The following LAMA5 variants were observed in gnomAD, a reference collection of about 807,000 sequenced individuals.
LAMA5 encodes the protein laminin subunit alpha-5.
In LAMA5, 260 loss-of-function variants were observed where a neutral mutation model predicts 433.4. That is an observed-to-expected ratio of 0.60 (90% CI 0.54 to 0.66). LAMA5 has a LOEUF of 0.66. Among genes scored for constraint, LAMA5 ranks in the 30% least tolerant of loss-of-function variants. The probability of loss-of-function intolerance (pLI) is 0.00; values close to 1 mark genes in which losing one functional copy is unlikely to be tolerated. For missense variants in LAMA5, 5,378 were observed against 5,258.5 expected, an observed-to-expected ratio of 1.02 and a Z score of -0.70; for synonymous variants, 2,620 against 2,226.6, an observed-to-expected ratio of 1.18 and a Z score of -4.97.
Position 62,312,647 on chromosome 20 carries a change from T to C in LAMA5, c.9212A>G (p.Asp3071Gly), listed in dbSNP as rs368284013. The C allele has an allele frequency of 5.0e-6, 8 of 1,606,856 alleles. No individual in the cohort carries two copies. The African/African-American group carries it at 9.4e-5, about 19-fold the overall frequency. The change falls in exon 67 of 80, where the codon GAC becomes GGC. Residue 3071 changes from aspartate to glycine, a missense_variant. By Grantham distance (94) the Asp-to-Gly change is moderately conservative. Transcript: ENST00000252999. The stretch of plus-strand genomic sequence containing the variant: ...CAGTGCTTACCTCGGGGGCAGCTGG[T>C]CGGGCGGCACGCCCCCCAGGTAGTA... Reference protein sequence around the residue: ...DAYYLGGVPPDQLPPSLRRLF... With the variant: ...DAYYLGGVPPGQLPPSLRRLF...
At chr20:62,323,888 C>A (rs756254864) in intron 43 of LAMA5, 32 bp from the exon 44 acceptor site, 26 of 1,575,016 alleles carry the variant, frequency 1.7e-5, no homozygotes, top group Non-Finnish European at 2.2e-5. Context: ...GTCACTAGGC[C>A]CCTGGCAGTG....
intron 41 of LAMA5, 141 bp downstream of exon 41, chr20:62,325,175 C>T (rs1275423225): frequency 3.3e-6 from 2 of 597,114 alleles, no homozygotes; most frequent in Non-Finnish European, 5.7e-6. Flanking sequence ...GGCCAGCAGC[C>T]TGTGAAAAGC....
Position 62,324,708 on chromosome 20 carries a change from A to G in LAMA5, c.5530-154T>C. On this transcript the variant is annotated intron_variant, in intron 41 of 79. Coordinates refer to ENST00000252999, the MANE Select transcript of LAMA5 (RefSeq NM_005560.6). This position sits in a 1 kb window ranked among gnomAD's most constrained non-coding sequence, Gnocchi z 4.4. ...CCGCTGGGTCAGAGGCTGGTCAGGA[A>G]CTCCTGGCCTCGGCCGGCTGGAGGT... 1.7e-6 allele frequency: 1 copy of G among 605,278 alleles called. No homozygotes were observed. The highest frequency in any genetic ancestry group is 3.0e-6 in the Non-Finnish European group (1 of 333,600). 37.5% of individuals were successfully genotyped at this position (605,278 alleles called of 1,614,324 possible). A position where few individuals can be genotyped will look rare whatever the true frequency, so the allele number is the denominator to read the frequency against.
At chr20:62,347,687 T>C (rs1983596606) in intron 6 of LAMA5, among the ~76,000 whole-genome samples, 1 of 152,076 alleles carries the variant, frequency 6.6e-6, no homozygotes, top group African/African-American at 2.4e-5. Context: ...AGGCCTGAGG[T>C]TGGAAGCACC....
chr20:62,358,925 C>T (rs929798441), intron 2 of LAMA5, among the ~76,000 whole-genome samples: 7 of 152,172 alleles, frequency 4.6e-5, no homozygotes, highest in Non-Finnish European at 1.0e-4. Flanking sequence ...GGGTCTCCAC[C>T]ATCCCCAGGG....
chr20:62,332,543 C>A lies in LAMA5; in HGVS notation c.3443+14G>T, dbSNP rs759937571. 2.5e-6 allele frequency: 4 copies of A among 1,599,852 alleles called. No homozygotes were observed. The highest frequency in any genetic ancestry group is 1.3e-5 in the African/African-American group (1 of 74,628). On this transcript the variant is annotated intron_variant, in intron 27 of 79. Coordinates refer to ENST00000252999, the MANE Select transcript of LAMA5 (RefSeq NM_005560.6). The stretch of plus-strand genomic sequence containing the variant: ...GGGCGTGCCCTTACTCCAGCCCCAC[C>A]GGCTCCCACTCACCTGTACAGGCAG...
intron 1 of LAMA5, among the ~76,000 whole-genome samples, chr20:62,366,241 T>C (rs1197333154): frequency 2.0e-5 from 3 of 152,132 alleles, no homozygotes; most frequent in Non-Finnish European, 1.5e-5. Context: ...AGGTGAGGTG[T>C]CCATGCATGG....
chr20:62,330,536 G>A lies in LAMA5; in HGVS notation c.3931C>T (p.Pro1311Ser). The change falls in exon 31 of 80, where the codon CCC becomes TCC. Residue 1311 changes from proline (P) to serine (S), a missense_variant. Transcript: ENST00000252999. Reference protein sequence around the residue: ...FLLHGYQPAHPTFPVEVLINA... With the variant: ...FLLHGYQPAHSTFPVEVLINA... ...ATGAGGACTTCCACGGGGAAGGTGG[G>A]GTGGGCTGGCTGGTAGCCGTGCAGC... is the stretch of plus-strand genomic sequence containing the variant. The A allele has an allele frequency of 6.3e-7, 1 of 1,580,792 alleles. No homozygotes were observed. The highest frequency in any genetic ancestry group is 8.6e-7 in the Non-Finnish European group (1 of 1,164,542).
chr20:62,324,609 C>T lies in LAMA5; in HGVS notation c.5530-55G>A. Reference sequence around the variant, plus strand: ...GCGATTGAGAGGACGAGGGGCCCCACCCTGCAAGCTCACAAGTCAGACCCT... The same window carrying T: ...GCGATTGAGAGGACGAGGGGCCCCATCCTGCAAGCTCACAAGTCAGACCCT... On this transcript the variant is annotated intron_variant, in intron 41 of 79. Coordinates refer to ENST00000252999, the MANE Select transcript of LAMA5 (RefSeq NM_005560.6). The surrounding 1 kb of genome is among the most constrained non-coding windows in gnomAD (Gnocchi z 4.4). The T allele has an allele frequency of 8.4e-7, 1 of 1,193,452 alleles. No homozygotes were observed. Among genetic ancestry groups the T allele is most frequent in the Admixed American group, 1.9e-5 (1 of 52,028 alleles). The allele number at this position is 1,193,452 out of a possible 1,614,324, so 73.9% of individuals were successfully genotyped here. A position where few individuals can be genotyped will look rare whatever the true frequency, so the allele number is the denominator to read the frequency against.
At chr20:62,318,814 C>T (rs779586400) in intron 52 of LAMA5, 29 bp downstream of exon 52, 4 of 1,606,858 alleles carry the variant, frequency 2.5e-6, no homozygotes, top group Non-Finnish European at 1.7e-6. Context: ...CCTCTCCCCA[C>T]CCCGCCTGCC....
chr20:62,345,894 C>A lies in LAMA5; in HGVS notation c.1418-17G>T. The A allele has an allele frequency of 8.4e-6, 13 of 1,556,324 alleles. No homozygotes were observed. Among genetic ancestry groups the A allele is most frequent in the Non-Finnish European group, 1.1e-5 (13 of 1,149,912 alleles). ...AGGGCGTCGCTGAGGGGAAGAGACA[C>A]GCATGTTGGCCAGGTCTGCTCAGAA... On this transcript the variant is annotated splice_polypyrimidine_tract_variant and intron_variant, in intron 10 of 79. Coordinates refer to ENST00000252999, the MANE Select transcript of LAMA5 (RefSeq NM_005560.6).
chr20:62,324,456 G>A lies in LAMA5; in HGVS notation c.5628C>T (p.Gly1876=), dbSNP rs1476989311. ...CHGHSDRCLP[G]SGVCVDCQHN... The stretch of plus-strand genomic sequence containing the variant: ...CCCTACTCACCACACAGACGCCAGA[G>A]CCAGGGAGGCAGCGGTCTGAGTGTC... The change falls in exon 42 of 80, where the codon GGC becomes GGT. Residue 1876 remains glycine (G), a synonymous_variant. Coordinates refer to ENST00000252999, the MANE Select transcript of LAMA5 (RefSeq NM_005560.6). This position sits in a 1 kb window ranked among gnomAD's most constrained non-coding sequence, Gnocchi z 4.4. The A allele has an allele frequency of 6.8e-6, 11 of 1,611,798 alleles. No individual in the cohort carries two copies. The highest frequency in any genetic ancestry group is 5.3e-5 in the African/African-American group (4 of 75,006).
chr20:62,330,309 G>A (rs940239683), intron 31 of LAMA5, among the ~76,000 whole-genome samples, 179 bp downstream of exon 31: 1 of 152,266 alleles, frequency 6.6e-6, no homozygotes, highest in African/African-American at 2.4e-5. Context: ...GGCTTTTCTG[G>A]GAACGGGAGC....
In LAMA5 at chr20:62,331,103, C is replaced by G. The variant is rs1245514663; in HGVS notation, c.3579G>C (p.Glu1193Asp). The change falls in exon 29 of 80, where the codon GAG becomes GAC. Residue 1193 changes from glutamate (E) to aspartate (D), a missense_variant. Coordinates refer to ENST00000252999, the MANE Select transcript of LAMA5 (RefSeq NM_005560.6). ...FLHGVTLVPI[E>D]EFSPEFVEPR... is the part of the protein sequence containing the mutation. ...GCTCCACGAACTCCGGGCTGAACTC[C>G]TCAATGGGCACCAGAGTGACCCCGT... 1.2e-6 allele frequency: 2 copies of G among 1,602,164 alleles called. No individual in the cohort carries two copies.
chr20:62,311,956 G>A lies in LAMA5; in HGVS notation c.9599C>T (p.Ala3200Val), dbSNP rs771534397. The A allele has an allele frequency of 6.2e-7, 1 of 1,612,618 alleles. No homozygotes were observed. The highest frequency in any genetic ancestry group is 1.1e-5 in the South Asian group (1 of 91,076). Residue 3200 changes from alanine (A) to valine (V), a missense_variant, in exon 70 of 80, where the codon GCC (alanine) becomes GTC (valine). Transcript: ENST00000252999. ...VKTQAGFADGAPHYVAFYSNA... is the reference protein window; with the variant it reads ...VKTQAGFADGVPHYVAFYSNA... ...GCTGTAGAAGGCGACGTAATGGGGGGCACCATCGGCGAAGCCCGCTTGAGT... is the reference window on the plus strand; with the variant it reads ...GCTGTAGAAGGCGACGTAATGGGGGACACCATCGGCGAAGCCCGCTTGAGT...
In LAMA5 at chr20:62,345,890, G is replaced by A. The variant is rs984124355; in HGVS notation, c.1418-13C>T. On this transcript the variant is annotated splice_polypyrimidine_tract_variant and intron_variant, in intron 10 of 79. Coordinates refer to ENST00000252999, the MANE Select transcript of LAMA5 (RefSeq NM_005560.6). ...GACGAGGGCGTCGCTGAGGGGAAGA[G>A]ACACGCATGTTGGCCAGGTCTGCTC... 2 of 1,555,984 alleles carry A rather than the reference G, an allele frequency of 1.3e-6. No individual in the cohort carries two copies. The highest frequency in any genetic ancestry group is 1.2e-5 in the South Asian group (1 of 84,634).
Position 62,309,183 on chromosome 20 carries a change from C to G in LAMA5, c.*153G>C. 3.9e-6 allele frequency: 3 copies of G among 772,420 alleles called. No homozygotes were observed. Among genetic ancestry groups the G allele is most frequent in the Non-Finnish European group, 5.8e-6 (3 of 514,850 alleles). The allele number at this position is 772,420 out of a possible 1,614,324, so 47.8% of individuals were successfully genotyped here. A position where few individuals can be genotyped will look rare whatever the true frequency, so the allele number is the denominator to read the frequency against. ...TAAAAACATTTTGCAGTATTTTATT[C>G]TTTCGTTTAAGAAGCTATAACTTAA... On this transcript the variant is annotated 3_prime_UTR_variant, in exon 80 of 80. Transcript: ENST00000252999.
At position 62,311,624 on chromosome 20, in the gene LAMA5, A is replaced by G. The variant is rs1394601758; in HGVS notation, c.9796T>C (p.Phe3266Leu). The G allele has an allele frequency of 5.0e-6, 8 of 1,605,486 alleles. No homozygotes were observed. The highest frequency in any genetic ancestry group is 6.8e-6 in the Non-Finnish European group (8 of 1,177,276). The stretch of plus-strand genomic sequence containing the variant: ...GCCCACCAGGCTCACCGCTGCACGA[A>G]GACGTTGCTGATGCAGCCACTGAAG... ...YNFSGCISNV[F>L]VQRLLGPQRV... The change falls in exon 71 of 80, where the codon TTC becomes CTC. Residue 3266 changes from phenylalanine (F) to leucine (L), a missense_variant. Transcript: ENST00000252999.
chr20:62,310,182 T>A lies in LAMA5; in HGVS notation c.10730A>T (p.Lys3577Met). Reference sequence around the variant, plus strand: ...CGCCACCTCTGCCAGGCTTACTTGCTTCTCGGTCACCTGCAACTGCAAGTA... The same window carrying A: ...CGCCACCTCTGCCAGGCTTACTTGCATCTCGGTCACCTGCAACTGCAAGTA... ...PPYLQLQVTE[K>M]QVLLRADDGA... is the part of the protein sequence containing the mutation. The change falls in exon 77 of 80, where the codon AAG (lysine) becomes ATG (methionine). Residue 3577 changes from lysine (K) to methionine (M), a missense_variant. Physicochemically the swap from Lys to Met is moderately conservative, Grantham distance 95 (BLOSUM62 -1). Transcript: ENST00000252999. 1 of 1,612,406 alleles carries A rather than the reference T, an allele frequency of 6.2e-7. No individual in the cohort carries two copies. The highest frequency in any genetic ancestry group is 1.1e-5 in the South Asian group (1 of 91,074).
Sources: allele counts gnomAD v4.1 joint callset (sites outside exome capture counted in the v4.1 genomes callset), GRCh38; gene constraint gnomAD v4.1.1; non-coding constraint Gnocchi (gnomAD v3.1); transcripts MANE v1.5; gene names NCBI Gene and HGNC (gene_info 2026-07-23, HGNC 2026-07-21).